Variants in MYO16 observed in about 807,000 individuals in gnomAD.
MYO16 encodes unconventional myosin-XVI.
A neutral mutation model predicts 205.3 loss-of-function variants in MYO16; 94 were observed. The ratio of observed to expected loss-of-function variants is 0.46; its 90% CI spans 0.39 to 0.54. MYO16 has a LOEUF of 0.54. MYO16 is among the 20% of genes least tolerant of loss of function. MYO16 has a pLI of 0.00. For missense variants in MYO16, 2,315 were observed against 2,387.5 expected (o/e 0.97, Z 0.63); for synonymous variants, 988 against 954.0 (o/e 1.04, Z -0.66).
At chr13:108,649,120 T>C (rs1477743876) in intron 1 of MYO16, among the ~76,000 whole-genome samples, 2 of 152,084 alleles carry the variant, frequency 1.3e-5, no homozygotes, top group East Asian at 1.9e-4. Context: ...CTATACCTAA[T>C]GTTAAATGAT....
chr13:108,992,505 C>A lies in MYO16; in HGVS notation c.2442+57C>A. 6.3e-6 allele frequency: 7 copies of A among 1,106,976 alleles called. 1 individual carries two copies. In the South Asian group the frequency reaches 8.1e-5, roughly 13 times the overall value. 68.6% of individuals were successfully genotyped at this position (1,106,976 alleles called of 1,614,324 possible). A position where few individuals can be genotyped will look rare whatever the true frequency, so the allele number is the denominator to read the frequency against. On this transcript the variant is annotated intron_variant, in intron 21 of 34. Coordinates refer to ENST00000457511, the MANE Select transcript of MYO16 (RefSeq NM_001198950.3). ...CTTGAATGGCTTTTGAAACTAAGTT[C>A]TTTTTTTAATTCTGTAAAGACAGTG...
upstream of MYO16, among the ~76,000 whole-genome samples, chr13:108,628,890 C>A (rs1436359634): frequency 3.3e-5 from 5 of 151,522 alleles, no homozygotes; most frequent in African/African-American, 1.2e-4. Flanking sequence ...TATCAATTTG[C>A]AAAAAAAATG....
chr13:108,932,055 T>C (rs1190100624), intron 16 of MYO16, among the ~76,000 whole-genome samples: 8 of 152,270 alleles, frequency 5.3e-5, no homozygotes, highest in Non-Finnish European at 1.5e-5. Flanking sequence ...CAGTGCTTTC[T>C]TACACTTCAT....
At chr13:109,074,859 C>T (rs1006528407) in intron 27 of MYO16, among the ~76,000 whole-genome samples, 10 of 152,224 alleles carry the variant, frequency 6.6e-5, no homozygotes, top group African/African-American at 2.4e-4. Flanking sequence ...CCTTCCCCAA[C>T]ATGTAGGGAT....
chr13:109,029,987 A>G (rs1451655147), intron 23 of MYO16, among the ~76,000 whole-genome samples: 1 of 152,096 alleles, frequency 6.6e-6, no homozygotes, highest in Non-Finnish European at 1.5e-5. Context: ...TAGTTGGTAT[A>G]TTTTTTCATA....
At chr13:108,630,948 A>G (rs1010897296) in intron 1 of MYO16, among the ~76,000 whole-genome samples, 3 of 152,354 alleles carry the variant, frequency 2.0e-5, no homozygotes, top group South Asian at 2.1e-4. Context: ...TCATGCTTTC[A>G]TGTTGCAGAA....
intron 1 of MYO16, among the ~76,000 whole-genome samples, chr13:108,599,349 A>G (rs1186030293): frequency 6.7e-6 from 1 of 148,924 alleles, no homozygotes; most frequent in Non-Finnish European, 1.5e-5. Flanking sequence ...TCCTTTGGGT[A>G]TATACCCAGT....
chr13:109,181,612 T>C (rs1436598943), intron 34 of MYO16, among the ~76,000 whole-genome samples: 2 of 152,100 alleles, frequency 1.3e-5, no homozygotes, highest in South Asian at 2.1e-4. Context: ...TCAAGGAAGA[T>C]AAAATGTCTG....
intron 7 of MYO16, among the ~76,000 whole-genome samples, chr13:108,817,469 G>C (rs546297735): frequency 1.3e-5 from 2 of 152,190 alleles, no homozygotes; most frequent in Non-Finnish European, 2.9e-5. Flanking sequence ...ACTAATCTGG[G>C]GTGCTATAAA....
intron 23 of MYO16, among the ~76,000 whole-genome samples, chr13:109,034,460 T>C (rs79073191): frequency 6.6e-6 from 1 of 152,146 alleles, no homozygotes. Flanking sequence ...CCTGCAGCCT[T>C]GTGAAGAAGG....
chr13:108,623,891 C>A (rs1164624342), intron 1 of MYO16, among the ~76,000 whole-genome samples: 2 of 151,456 alleles, frequency 1.3e-5, no homozygotes, highest in Non-Finnish European at 2.9e-5. Context: ...TTGACTGGTA[C>A]ATGAAAAAAA....
intron 20 of MYO16, among the ~76,000 whole-genome samples, chr13:108,974,675 A>G (rs561361031): frequency 6.6e-6 from 1 of 152,330 alleles, no homozygotes; most frequent in South Asian, 2.1e-4. Context: ...TGATTTTAAA[A>G]ACATATTCTG....
chr13:109,114,999 A>C (rs572795803), intron 28 of MYO16, among the ~76,000 whole-genome samples: 2 of 152,314 alleles, frequency 1.3e-5, no homozygotes, highest in South Asian at 4.1e-4. Context: ...CAATTTCATT[A>C]ATATAGAGAG....
chr13:109,042,446 A>G (rs958294512), intron 23 of MYO16, among the ~76,000 whole-genome samples: 28 of 152,168 alleles, frequency 1.8e-4, no homozygotes, highest in African/African-American at 6.8e-4. Flanking sequence ...CTTCACAAAA[A>G]TTTGCAAGAT....
chr13:109,129,118 A>G (rs1876412113), intron 31 of MYO16, among the ~76,000 whole-genome samples: 1 of 146,842 alleles, frequency 6.8e-6, no homozygotes, highest in Admixed American at 6.9e-5. Context: ...ATATATTGTC[A>G]TTAACTATTG....
intron 9 of MYO16, among the ~76,000 whole-genome samples, chr13:108,830,611 G>A (rs1470152820): frequency 7.5e-6 from 1 of 132,776 alleles, no homozygotes; most frequent in African/African-American, 2.8e-5. Context: ...GGACTGTTGT[G>A]GGGTGGGGGG....
chr13:109,200,454 T>A (rs1880351841), intron 34 of MYO16, among the ~76,000 whole-genome samples: 1 of 152,198 alleles, frequency 6.6e-6, no homozygotes, highest in African/African-American at 2.4e-5. Context: ...CAAAGAACTA[T>A]GCAAAGTTCT....
chr13:108,716,695 G>A (rs2139560654), intron 3 of MYO16, among the ~76,000 whole-genome samples: 1 of 152,286 alleles, frequency 6.6e-6, no homozygotes, highest in East Asian at 1.9e-4. Context: ...TGCTTCATCA[G>A]CACTGAGCTC....
chr13:109,136,394 G>A (rs901595281), intron 31 of MYO16, among the ~76,000 whole-genome samples: 1 of 152,144 alleles, frequency 6.6e-6, no homozygotes, highest in South Asian at 2.1e-4. Context: ...TGCCTGCCTG[G>A]AAGTCATTTC....
Sources: gnomAD v4.1 joint callset for allele counts (sites outside exome capture counted in the v4.1 genomes callset) on GRCh38, gnomAD v4.1.1 for gene constraint, MANE v1.5 for transcripts, NCBI Gene and HGNC (gene_info 2026-07-23, HGNC 2026-07-21) for gene names.